The following SEC24D variants were observed in gnomAD, a reference collection of about 807,000 sequenced individuals.
The protein encoded by SEC24D is protein transport protein Sec24D.
SEC24D carries 69 observed loss-of-function variants against 116.9 expected under a neutral mutation model. The ratio of observed to expected loss-of-function variants is 0.59; its 90% CI spans 0.49 to 0.72. SEC24D has a LOEUF of 0.72. SEC24D is among the 30% of genes least tolerant of loss of function. SEC24D has a pLI of 0.00. For missense variants in SEC24D, 1,131 were observed against 1,264.1 expected (o/e 0.89, Z 1.60); for synonymous variants, 405 against 442.8 (o/e 0.91, Z 1.07).
intron 9 of SEC24D, chr4:118,766,435 T>C (rs1403878579): frequency 6.6e-6 from 1 of 152,208 alleles, no homozygotes. Context: ...CATACATCTA[T>C]GGGAGTCTGG....
intron 19 of SEC24D, chr4:118,736,592 C>A: frequency 3.3e-6 from 1 of 300,174 alleles, no homozygotes; most frequent in South Asian, 3.0e-5. Flanking sequence ...ACCAAGTTTA[C>A]AGTTAGATTT....
intron 19 of SEC24D, among the ~76,000 whole-genome samples, chr4:118,737,646 T>C (rs1438151202): frequency 6.6e-6 from 1 of 152,328 alleles, no homozygotes; most frequent in Admixed American, 6.5e-5. Context: ...GAGAAGAATG[T>C]GAACAAGAGA....
At chr4:118,728,429 T>A (rs1366850229) in intron 22 of SEC24D, 132 bp downstream of exon 22, 2 of 611,026 alleles carry the variant, frequency 3.3e-6, no homozygotes, top group East Asian at 5.6e-5. Flanking sequence ...TTTTTAACTT[T>A]TATTTTAGAT....
chr4:118,785,702 T>C (rs549900158), intron 8 of SEC24D, among the ~76,000 whole-genome samples: 12 of 152,318 alleles, frequency 7.9e-5, no homozygotes, highest in East Asian at 7.7e-4. Flanking sequence ...ACAGATACCA[T>C]GCAACATTCC....
At chr4:118,734,930 T>C (rs1470338562) in intron 19 of SEC24D, among the ~76,000 whole-genome samples, 4 of 152,246 alleles carry the variant, frequency 2.6e-5, no homozygotes, top group Non-Finnish European at 5.9e-5. Context: ...CCCGATGCTA[T>C]TTCTGGTCTA....
intron 10 of SEC24D, among the ~76,000 whole-genome samples, chr4:118,763,075 T>C (rs1342528691): frequency 6.6e-6 from 1 of 152,220 alleles, no homozygotes; most frequent in Non-Finnish European, 1.5e-5. Context: ...AAACATTAAA[T>C]GTTTGCATGT....
intron 10 of SEC24D, among the ~76,000 whole-genome samples, chr4:118,763,259 AT>A (rs1348463724): frequency 6.6e-6 from 1 of 152,180 alleles, no homozygotes; most frequent in Non-Finnish European, 1.5e-5. Context: ...AAAGCATCAC[AT>A]TTTCTTTAAC....
intron 2 of SEC24D, among the ~76,000 whole-genome samples, chr4:118,831,848 G>A (rs565945297): frequency 6.6e-6 from 1 of 152,194 alleles, no homozygotes; most frequent in East Asian, 1.9e-4. Context: ...GGAACATGGA[G>A]GGAGAAACAG....
At chr4:118,742,942 A>G (rs1726305567) in intron 15 of SEC24D, among the ~76,000 whole-genome samples, 1 of 151,888 alleles carries the variant, frequency 6.6e-6, no homozygotes, top group African/African-American at 2.4e-5. Flanking sequence ...CCCTCAATAC[A>G]GTGTTTTTTT....
At chr4:118,767,439 AGAAG>A (rs781540882) in intron 9 of SEC24D, among the ~76,000 whole-genome samples, 1 of 152,208 alleles carries the variant, frequency 6.6e-6, no homozygotes, top group Non-Finnish European at 1.5e-5. Flanking sequence ...TAAGAAACAG[AGAAG>A]AAAACTCATA....
intron 19 of SEC24D, among the ~76,000 whole-genome samples, chr4:118,734,803 CTCTCT>C (rs1324847507): frequency 3.3e-5 from 5 of 152,128 alleles, no homozygotes; most frequent in Non-Finnish European, 7.4e-5. Context: ...GAGTAGAACA[CTCTCT>C]TCTAATTTTT....
intron 8 of SEC24D, among the ~76,000 whole-genome samples, chr4:118,787,867 G>A (rs1450913792): frequency 6.6e-6 from 1 of 152,174 alleles, no homozygotes; most frequent in African/African-American, 2.4e-5. Context: ...CACCAGGATA[G>A]AGTGACACTA....
intron 8 of SEC24D, among the ~76,000 whole-genome samples, chr4:118,787,726 T>C (rs929350205): frequency 6.6e-6 from 1 of 152,190 alleles, no homozygotes; most frequent in Non-Finnish European, 1.5e-5. Flanking sequence ...GAGAATCGCT[T>C]GAGCCTGGGA....
chr4:118,818,530 G>T (rs1467711571), intron 3 of SEC24D, among the ~76,000 whole-genome samples: 1 of 152,142 alleles, frequency 6.6e-6, no homozygotes, highest in Non-Finnish European at 1.5e-5. Flanking sequence ...AAACAAAACA[G>T]AAAATTAACC....
chr4:118,796,365 G>A (rs1329665296), intron 8 of SEC24D, among the ~76,000 whole-genome samples: 3 of 152,114 alleles, frequency 2.0e-5, no homozygotes, highest in East Asian at 1.9e-4. Flanking sequence ...TAAATTTCTA[G>A]AACCATCATG....
rs1324619887 is a variant in SEC24D, at chr4:118,752,985, C to T, written c.1422-97G>A. On this transcript the variant is annotated intron_variant, in intron 11 of 22. Coordinates refer to ENST00000280551, the MANE Select transcript of SEC24D (RefSeq NM_014822.4). ...CAGTAAGTGTGTCTTCTATAAAATA[C>T]ATAAAAACATGTTTAAAGTTTTTGT... The T allele has an allele frequency of 1.3e-5, 11 of 852,960 alleles. No homozygotes were observed. In the South Asian group the frequency reaches 2.4e-4, roughly 19 times the overall value. The allele number at this position is 852,960 out of a possible 1,614,324, so 52.8% of individuals were successfully genotyped here. A position where few individuals can be genotyped will look rare whatever the true frequency, so the allele number is the denominator to read the frequency against.
In SEC24D at chr4:118,745,074, AAAAC is replaced by A; in HGVS notation, c.1708-18_1708-15del. ...ACAGTCTGCTGCCTAAAAAAAAAAA[AAAAC>A]CCAAAAACCCACAGAAAATGCCGTG... On this transcript the variant is annotated splice_polypyrimidine_tract_variant and intron_variant, in intron 13 of 22. Coordinates refer to ENST00000280551, the MANE Select transcript of SEC24D (RefSeq NM_014822.4). 7.0e-7 allele frequency: 1 copy of A among 1,426,202 alleles called. No individual in the cohort carries two copies. Among genetic ancestry groups the A allele is most frequent in the Non-Finnish European group, 9.7e-7 (1 of 1,034,652 alleles). The allele number at this position is 1,426,202 out of a possible 1,614,324, so 88.3% of individuals were successfully genotyped here.
At chr4:118,808,985 T>TG (rs1261392127) in intron 6 of SEC24D, among the ~76,000 whole-genome samples, 4 of 151,372 alleles carry the variant, frequency 2.6e-5, no homozygotes, top group Non-Finnish European at 5.9e-5. Context: ...ACTTCTTTTT[T>TG]TTTTTTGAGA....
intron 13 of SEC24D, among the ~76,000 whole-genome samples, chr4:118,745,544 G>C (rs1001536202): frequency 6.6e-6 from 1 of 152,154 alleles, no homozygotes; most frequent in African/African-American, 2.4e-5. Context: ...GAACGTAGTG[G>C]TGGTGTGGCA....
Sources: allele counts gnomAD v4.1 joint callset (sites outside exome capture counted in the v4.1 genomes callset), GRCh38; gene constraint gnomAD v4.1.1; transcripts MANE v1.5; gene names NCBI Gene and HGNC (gene_info 2026-07-23, HGNC 2026-07-21).